The following GRID2 variants were observed in gnomAD, a reference collection of about 807,000 sequenced individuals.
GRID2 encodes glutamate ionotropic receptor delta type subunit 2, also known as glutamate receptor ionotropic, delta-2.
In GRID2, 33 loss-of-function variants were observed where a neutral mutation model predicts 114.8. The ratio of observed to expected loss-of-function variants is 0.29; its 90% CI spans 0.22 to 0.38. The LOEUF is 0.38. Among genes scored for constraint, GRID2 ranks in the 10% least tolerant of loss-of-function variants. The probability of loss-of-function intolerance (pLI) is 1.00; values close to 1 mark genes in which losing one functional copy is unlikely to be tolerated. For missense variants in GRID2, 1,184 were observed against 1,257.7 expected (o/e 0.94, Z 0.89); for synonymous variants, 505 against 449.9 (o/e 1.12, Z -1.55).
intron 2 of GRID2, among the ~76,000 whole-genome samples, chr4:92,595,028 G>C (rs1035666114): frequency 2.0e-4 from 30 of 151,872 alleles, no homozygotes; most frequent in Non-Finnish European, 5.9e-5. Context: ...ACATGTATTT[G>C]ATGTATTAAG....
At chr4:93,327,559 T>TA (rs1203556331) in intron 8 of GRID2, among the ~76,000 whole-genome samples, 4 of 152,186 alleles carry the variant, frequency 2.6e-5, no homozygotes, top group Non-Finnish European at 4.4e-5. Context: ...CATTCAGCCA[T>TA]AAAAAAGAAT....
intron 1 of GRID2, among the ~76,000 whole-genome samples, chr4:92,402,087 G>A (rs1487620384): frequency 3.3e-5 from 5 of 151,726 alleles, no homozygotes; most frequent in Non-Finnish European, 5.9e-5. Flanking sequence ...TTCCTCATTC[G>A]TAAGAAGCTA....
At chr4:93,633,113 C>G (rs1362109363) in intron 14 of GRID2, among the ~76,000 whole-genome samples, 1 of 151,494 alleles carries the variant, frequency 6.6e-6, no homozygotes, top group East Asian at 1.9e-4. Context: ...GAACAAATCA[C>G]AATCCTTGGT....
intron 2 of GRID2, among the ~76,000 whole-genome samples, chr4:93,045,049 T>C (rs976372240): frequency 6.6e-6 from 1 of 152,154 alleles, no homozygotes; most frequent in Non-Finnish European, 1.5e-5. Flanking sequence ...GTTATATTTT[T>C]GTGTAGGCCA....
chr4:92,599,856 C>A (rs915633063), intron 2 of GRID2, among the ~76,000 whole-genome samples: 1 of 151,582 alleles, frequency 6.6e-6, no homozygotes, highest in Admixed American at 6.6e-5. Context: ...GAAACCCCGT[C>A]TCTACCTAAA....
chr4:92,705,607 C>T (rs180862216), intron 2 of GRID2, among the ~76,000 whole-genome samples: 2 of 152,246 alleles, frequency 1.3e-5, no homozygotes, highest in Admixed American at 1.3e-4. Flanking sequence ...AAGTCAATGC[C>T]ACTTTTATTG....
At chr4:92,461,088 A>G (rs1161400182) in intron 1 of GRID2, among the ~76,000 whole-genome samples, 1 of 151,488 alleles carries the variant, frequency 6.6e-6, no homozygotes, top group African/African-American at 2.4e-5. Context: ...TAAATCATAT[A>G]TTTATATAAC....
At chr4:93,301,509 T>G (rs1754865367) in intron 8 of GRID2, among the ~76,000 whole-genome samples, 1 of 152,148 alleles carries the variant, frequency 6.6e-6, no homozygotes, top group Admixed American at 6.5e-5. Context: ...ATCTCTTGCC[T>G]TTTGGAATCA....
intron 1 of GRID2, among the ~76,000 whole-genome samples, chr4:92,449,032 A>G (rs1720744214): frequency 6.6e-6 from 1 of 152,050 alleles, no homozygotes. Context: ...ATTTCTCATA[A>G]ATATAACTAG....
At chr4:93,161,775 C>T (rs1230593411) in intron 4 of GRID2, among the ~76,000 whole-genome samples, 1 of 151,650 alleles carries the variant, frequency 6.6e-6, no homozygotes, top group Admixed American at 6.6e-5. Flanking sequence ...AAATTCTCCC[C>T]CCTTCCTGCA....
At chr4:93,281,847 G>A (rs57442887) in intron 8 of GRID2, among the ~76,000 whole-genome samples, 4,913 of 151,782 alleles carry the variant, frequency 0.032, 276 homozygotes, top group African/African-American at 0.11. Flanking sequence ...GTAATATTAC[G>A]AAATAACAGC....
At chr4:93,186,833 T>G (rs1248018775) in intron 4 of GRID2, among the ~76,000 whole-genome samples, 1 of 152,162 alleles carries the variant, frequency 6.6e-6, no homozygotes, top group Non-Finnish European at 1.5e-5. Flanking sequence ...TATATGACTG[T>G]CTTTGTTTGG....
At chr4:93,669,901 T>C (rs1364286254) in intron 14 of GRID2, among the ~76,000 whole-genome samples, 1 of 152,092 alleles carries the variant, frequency 6.6e-6, no homozygotes, top group East Asian at 1.9e-4. Flanking sequence ...ACCTGGACGT[T>C]TTTCAGAGCA....
intron 2 of GRID2, among the ~76,000 whole-genome samples, chr4:92,870,939 C>CTTATCTGG (rs1413596247): frequency 1.3e-5 from 2 of 152,156 alleles, no homozygotes; most frequent in African/African-American, 2.4e-5. Context: ...TGATCCCTTT[C>CTTATCTGG]TTATCTGGTG....
chr4:92,773,427 C>CA (rs1172087018), intron 2 of GRID2, among the ~76,000 whole-genome samples: 1 of 151,950 alleles, frequency 6.6e-6, no homozygotes, highest in East Asian at 1.9e-4. Context: ...GTAACTGTAC[C>CA]AGAAAAGAAG....
chr4:92,449,585 C>T (rs1235165304), intron 1 of GRID2, among the ~76,000 whole-genome samples: 2 of 148,252 alleles, frequency 1.3e-5, no homozygotes, highest in South Asian at 2.1e-4. Flanking sequence ...TCTGTCATAA[C>T]TGCAAAAATA....
intron 2 of GRID2, among the ~76,000 whole-genome samples, chr4:92,823,669 G>A (rs1327788857): frequency 6.6e-6 from 1 of 152,092 alleles, no homozygotes; most frequent in Non-Finnish European, 1.5e-5. Context: ...TCTTCCTTAA[G>A]TTATGATTAA....
At chr4:93,350,912 C>T (rs917871396) in intron 8 of GRID2, among the ~76,000 whole-genome samples, 1 of 152,034 alleles carries the variant, frequency 6.6e-6, no homozygotes, top group Non-Finnish European at 1.5e-5. Context: ...ACTCACAGTT[C>T]TACATGGCTG....
intron 1 of GRID2, among the ~76,000 whole-genome samples, chr4:92,346,819 A>C (rs867906875): frequency 6.6e-6 from 1 of 152,214 alleles, no homozygotes; most frequent in Non-Finnish European, 1.5e-5. Flanking sequence ...ATTCATGATA[A>C]GTTAAAGGAG....
Sources: gnomAD v4.1 joint callset for allele counts (sites outside exome capture counted in the v4.1 genomes callset) on GRCh38, gnomAD v4.1.1 for gene constraint, MANE v1.5 for transcripts, NCBI Gene and HGNC (gene_info 2026-07-23, HGNC 2026-07-21) for gene names.